The following ST6GALNAC3 variants were observed in gnomAD, a reference collection of about 807,000 sequenced individuals.
ST6GALNAC3 encodes ST6 N-acetylgalactosaminide alpha-2,6-sialyltransferase 3, also known as alpha-N-acetylgalactosaminide alpha-2,6-sialyltransferase 3.
A neutral mutation model predicts 32.7 loss-of-function variants in ST6GALNAC3; 25 were observed. That is an observed-to-expected ratio of 0.76 (90% confidence interval 0.56 to 1.07). The LOEUF is 1.07. Ranked by LOEUF, ST6GALNAC3 falls within the 50% of genes least tolerant of loss-of-function variation. The pLI, the probability that ST6GALNAC3 is intolerant of heterozygous loss-of-function variation, is 0.00. For synonymous variants in ST6GALNAC3, 129 were observed against 133.1 expected (o/e 0.97, Z 0.21); for missense variants, 355 against 382.4 (o/e 0.93, Z 0.60).
chr1:76,409,440 T>A (rs2101278080), intron 2 of ST6GALNAC3, among the ~76,000 whole-genome samples: 1 of 152,088 alleles, frequency 6.6e-6, no homozygotes, highest in South Asian at 2.1e-4. Context: ...CAAATAAAAA[T>A]GAAATCAAAG....
At chr1:76,627,604 T>A (rs1224236569) in intron 4 of ST6GALNAC3, 45 bp downstream of exon 4, 10 of 1,358,248 alleles carry the variant, frequency 7.4e-6, no homozygotes, top group Non-Finnish European at 1.1e-5. Flanking sequence ...AATTCGGAGA[T>A]CTTGTCAAAA....
chr1:76,169,430 G>T (rs961424308), intron 1 of ST6GALNAC3, among the ~76,000 whole-genome samples: 3 of 152,210 alleles, frequency 2.0e-5, no homozygotes, highest in African/African-American at 7.2e-5. Context: ...TGTGCTTGGG[G>T]ATGATCTTTA....
chr1:76,294,723 A>C (rs764931341), intron 1 of ST6GALNAC3, among the ~76,000 whole-genome samples: 2 of 152,054 alleles, frequency 1.3e-5, no homozygotes, highest in Non-Finnish European at 2.9e-5. Flanking sequence ...TTTGAAGGTC[A>C]AGTTCAACCC....
At chr1:76,143,392 C>CGTGTGT (rs4034974) in intron 1 of ST6GALNAC3, among the ~76,000 whole-genome samples, 18,508 of 142,224 alleles carry the variant, frequency 0.13, 1,271 homozygotes, top group Non-Finnish European at 0.14. Flanking sequence ...CTTACCAAGT[C>CGTGTGT]GTGTGTGTGT....
rs150080184 is a variant in ST6GALNAC3, at chr1:76,246,859, T to C, written c.19-66946T>C. Among the ~76,000 whole-genome samples the C allele has an allele frequency of 5.5e-3, 843 of 152,332 alleles. 11 individuals carry two copies. Among genetic ancestry groups the C allele is most frequent in the African/African-American group, 0.019 (780 of 41,576 alleles). ...TTGTACCCTTGCTGGAGAGGAGTTG[T>C]GAATATTTAGAGGAGAAGTGGAATT... On this transcript the variant is annotated intron_variant, in intron 1 of 4. Coordinates refer to ENST00000328299, the MANE Select transcript of ST6GALNAC3 (RefSeq NM_152996.4).
intron 1 of ST6GALNAC3, among the ~76,000 whole-genome samples, chr1:76,126,837 C>T (rs1176794422): frequency 2.0e-5 from 3 of 152,154 alleles, no homozygotes; most frequent in South Asian, 2.1e-4. Flanking sequence ...CCAGGTGCTG[C>T]GTTTTATTCA....
chr1:76,366,886 T>C (rs1325559229), intron 2 of ST6GALNAC3, among the ~76,000 whole-genome samples: 1 of 152,122 alleles, frequency 6.6e-6, no homozygotes, highest in East Asian at 1.9e-4. Context: ...TGAACCAAAG[T>C]TTATATAAAA....
At chr1:76,575,436 C>T (rs1252438045) in intron 3 of ST6GALNAC3, among the ~76,000 whole-genome samples, 2 of 152,012 alleles carry the variant, frequency 1.3e-5, no homozygotes, top group African/African-American at 2.4e-5. Flanking sequence ...CAGACACAAT[C>T]GTTAGTACTA....
intron 3 of ST6GALNAC3, among the ~76,000 whole-genome samples, chr1:76,423,795 C>T (rs1232853438): frequency 6.6e-6 from 1 of 151,874 alleles, no homozygotes; most frequent in Non-Finnish European, 1.5e-5. Flanking sequence ...TAATATTAAA[C>T]TTATGAAATT....
chr1:76,303,781 A>G (rs1213951415), intron 1 of ST6GALNAC3, among the ~76,000 whole-genome samples: 1 of 152,120 alleles, frequency 6.6e-6, no homozygotes, highest in East Asian at 1.9e-4. Context: ...TGTTGCTCCA[A>G]GCAGGTTTAC....
intron 3 of ST6GALNAC3, among the ~76,000 whole-genome samples, chr1:76,599,249 G>C (rs905098446): frequency 6.6e-6 from 1 of 151,674 alleles, no homozygotes; most frequent in African/African-American, 2.4e-5. Flanking sequence ...TAGTTTTAGA[G>C]TATGAGGTTA....
At chr1:76,234,914 C>T (rs1656563206) in intron 1 of ST6GALNAC3, among the ~76,000 whole-genome samples, 1 of 152,188 alleles carries the variant, frequency 6.6e-6, no homozygotes, top group Admixed American at 6.5e-5. Context: ...TGAGAGGGCT[C>T]TACCTAGATA....
intron 1 of ST6GALNAC3, among the ~76,000 whole-genome samples, chr1:76,235,137 T>C (rs1361413350): frequency 6.6e-6 from 1 of 152,152 alleles, no homozygotes; most frequent in Non-Finnish European, 1.5e-5. Flanking sequence ...TGTTCAGAGC[T>C]ATTGTTCAAA....
intron 3 of ST6GALNAC3, among the ~76,000 whole-genome samples, chr1:76,512,630 T>C (rs951140836): frequency 5.9e-5 from 9 of 152,122 alleles, no homozygotes; most frequent in African/African-American, 2.2e-4. Context: ...CTATTAACAA[T>C]TGTCACCTAC....
downstream of ST6GALNAC3, chr1:76,634,685 ATTTTTTTTTTT>A (rs755148916): frequency 2.1e-5 from 1 of 47,356 alleles, no homozygotes; most frequent in South Asian, 7.5e-4. Context: ...GCGGTATGGG[ATTTTTTTTTTT>A]TTTTTTTTTT....
intron 1 of ST6GALNAC3, among the ~76,000 whole-genome samples, chr1:76,288,856 C>T (rs564194240): frequency 2.6e-5 from 4 of 152,188 alleles, no homozygotes; most frequent in East Asian, 1.9e-4. Context: ...AGATACCCAC[C>T]GACCCATGCT....
rs76747928 is a variant in ST6GALNAC3, at chr1:76,346,776, A to G, written c.213+32777A>G. On this transcript the variant is annotated intron_variant, in intron 2 of 4. Transcript: ENST00000328299. ...ACATGAAATGGGGCTGGATAAATGG[A>G]AATAATGCCTACCCTTAGAGTTGAC... 3.1e-3 allele frequency among the ~76,000 whole-genome samples: 465 copies of G among 152,292 alleles called. 3 individuals carry two copies. Among genetic ancestry groups the G allele is most frequent in the African/African-American group, 0.01 (428 of 41,550 alleles).
chr1:76,291,600 C>T (rs536975732), intron 1 of ST6GALNAC3, among the ~76,000 whole-genome samples: 2 of 152,144 alleles, frequency 1.3e-5, no homozygotes, highest in East Asian at 1.9e-4. Context: ...TCTAACGAAC[C>T]GAAACAAAAT....
chr1:76,410,712 G>A (rs1314037728), intron 2 of ST6GALNAC3, among the ~76,000 whole-genome samples: 2 of 152,046 alleles, frequency 1.3e-5, no homozygotes, highest in Non-Finnish European at 2.9e-5. Context: ...ACAATGGTCT[G>A]TTACAGTTGT....
Sources: gnomAD v4.1 joint callset for allele counts (sites outside exome capture counted in the v4.1 genomes callset) on GRCh38, gnomAD v4.1.1 for gene constraint, MANE v1.5 for transcripts, NCBI Gene and HGNC (gene_info 2026-07-23, HGNC 2026-07-21) for gene names.